Variants in CCDC60 observed in about 807,000 individuals in gnomAD.
CCDC60 encodes the protein coiled-coil domain-containing protein 60.
Under a neutral mutation model 63.5 loss-of-function variants are expected in CCDC60, and 54 were observed. The observed-to-expected ratio is 0.85, with a 90% CI of 0.68 to 1.07. The LOEUF is 1.07. CCDC60 is among the 50% of genes least tolerant of loss of function. The pLI, the probability that CCDC60 is intolerant of heterozygous loss-of-function variation, is 0.00. For missense variants in CCDC60, 651 were observed against 684.3 expected (o/e 0.95, Z 0.54); for synonymous variants, 206 against 238.8 (o/e 0.86, Z 1.27).
chr12:119,406,176 A>AAT (rs113220833), intron 1 of CCDC60, among the ~76,000 whole-genome samples: 1,536 of 143,770 alleles, frequency 0.011, 23 homozygotes, highest in East Asian at 0.044. Flanking sequence ...TGTCTCAAAA[A>AAT]ATATATATAT....
chr12:119,456,056 A>G lies in CCDC60; in HGVS notation c.171-15938A>G, dbSNP rs56355508. On this transcript the variant is annotated intron_variant, in intron 2 of 13. Transcript: ENST00000327554. The surrounding 1 kb of genome is among the most constrained non-coding windows in gnomAD (Gnocchi z 4.6). ...GAAAGAAAGAAAGAAAGAAAGAAAG[A>G]AAGAAAGCAAGCAAGCATGTGCAAT... Among the ~76,000 whole-genome samples, 5 of 96,786 alleles carry G rather than the reference A, an allele frequency of 5.2e-5. 1 individual carries two copies. Among genetic ancestry groups the G allele is most frequent in the Non-Finnish European group, 1.0e-4 (5 of 47,710 alleles). The allele number at this position is 96,786 out of a possible 152,430, so 63.5% of individuals were successfully genotyped here.
intron 1 of CCDC60, among the ~76,000 whole-genome samples, chr12:119,380,729 C>T (rs1330982395): frequency 1.3e-5 from 2 of 152,210 alleles, no homozygotes; most frequent in Non-Finnish European, 2.9e-5. Flanking sequence ...ATTTTTAACA[C>T]CTCTCTAAGG....
chr12:119,425,014 T>G (rs571302979), intron 1 of CCDC60, among the ~76,000 whole-genome samples: 97 of 123,480 alleles, frequency 7.9e-4, no homozygotes, highest in African/African-American at 2.9e-3. Context: ...TAGGTGACAT[T>G]TGAAAAAAAA....
At chr12:119,439,561 G>A (rs983119040) in intron 2 of CCDC60, among the ~76,000 whole-genome samples, 3 of 152,204 alleles carry the variant, frequency 2.0e-5, no homozygotes, top group African/African-American at 7.2e-5. Flanking sequence ...TGAACAGAGA[G>A]AGCCAATGAT....
chr12:119,412,522 T>C (rs1257353011), intron 1 of CCDC60, among the ~76,000 whole-genome samples: 2 of 152,150 alleles, frequency 1.3e-5, no homozygotes, highest in African/African-American at 2.4e-5. Context: ...GCCAAATAAA[T>C]TTTTTCATTT....
At chr12:119,350,381 G>A (rs922711174) in intron 1 of CCDC60, among the ~76,000 whole-genome samples, 10 of 151,792 alleles carry the variant, frequency 6.6e-5, no homozygotes, top group Non-Finnish European at 1.3e-4. Context: ...TGTATTTTTA[G>A]TAGACACACA....
intron 7 of CCDC60, among the ~76,000 whole-genome samples, chr12:119,509,166 T>C (rs147878977): frequency 2.0e-5 from 3 of 152,320 alleles, no homozygotes; most frequent in African/African-American, 7.2e-5. Flanking sequence ...TGCTTTTGTC[T>C]TGAAGATAGA....
intron 2 of CCDC60, among the ~76,000 whole-genome samples, chr12:119,443,987 A>G (rs1950493581): frequency 6.6e-6 from 1 of 152,194 alleles, no homozygotes; most frequent in Non-Finnish European, 1.5e-5. Flanking sequence ...ACATACACCA[A>G]TATCTCTGAA....
At chr12:119,499,156 C>A (rs1951786145) in intron 5 of CCDC60, among the ~76,000 whole-genome samples, 1 of 152,130 alleles carries the variant, frequency 6.6e-6, no homozygotes, top group South Asian at 2.1e-4. Context: ...TTCCAAAATG[C>A]CAAAATTATT....
chr12:119,513,530 T>C lies in CCDC60; in HGVS notation c.884-3093T>C, dbSNP rs1952269257. Among the ~76,000 whole-genome samples the C allele has an allele frequency of 2.6e-5, 4 of 152,328 alleles. 1 individual carries two copies. The South Asian group carries it at 8.3e-4, about 32-fold the overall frequency. On this transcript the variant is annotated intron_variant, in intron 7 of 13. Coordinates refer to ENST00000327554, the MANE Select transcript of CCDC60 (RefSeq NM_178499.5). Reference sequence around the variant, plus strand: ...TGTCATCACATAGCCACCTTTTCCCTATATATCTCTCTTTCCTACTTATAA... The same window carrying C: ...TGTCATCACATAGCCACCTTTTCCCCATATATCTCTCTTTCCTACTTATAA...
At chr12:119,509,300 C>T (rs917287793) in intron 7 of CCDC60, among the ~76,000 whole-genome samples, 1 of 152,136 alleles carries the variant, frequency 6.6e-6, no homozygotes, top group African/African-American at 2.4e-5. Context: ...AAACATCTGA[C>T]TTTTTACAAA....
At chr12:119,417,064 G>A (rs1045932519) in intron 1 of CCDC60, among the ~76,000 whole-genome samples, 12 of 152,268 alleles carry the variant, frequency 7.9e-5, no homozygotes, top group African/African-American at 2.6e-4. Flanking sequence ...AAGTTGCAGT[G>A]AGCCAAGATC....
At chr12:119,481,627 GT>G (rs1445782372) in intron 4 of CCDC60, among the ~76,000 whole-genome samples, 1 of 151,944 alleles carries the variant, frequency 6.6e-6, no homozygotes, top group African/African-American at 2.4e-5. Context: ...ATTTCCATAG[GT>G]TTTTGGGGAA....
intron 8 of CCDC60, among the ~76,000 whole-genome samples, chr12:119,517,768 A>G (rs1727428): frequency 0.28 from 43,183 of 152,008 alleles, 6,194 homozygotes; most frequent in Non-Finnish European, 0.31. Context: ...GTTTCAAGCC[A>G]GCAACCGATA....
intron 4 of CCDC60, 48 bp from the exon 5 acceptor site, chr12:119,488,711 A>G: frequency 6.5e-7 from 1 of 1,534,674 alleles, no homozygotes; most frequent in South Asian, 1.1e-5. Flanking sequence ...TTGCGAAGAA[A>G]GTTGTTCTAA....
chr12:119,433,403 C>A, intron 2 of CCDC60: 1 of 702,176 alleles, frequency 1.4e-6, no homozygotes, highest in South Asian at 1.5e-5. Flanking sequence ...CACTGCCGGA[C>A]ACAAAGGAGA....
chr12:119,393,742 G>T (rs1164580275), intron 1 of CCDC60, among the ~76,000 whole-genome samples: 1 of 152,158 alleles, frequency 6.6e-6, no homozygotes, highest in Admixed American at 6.5e-5. Context: ...GGCTTCAAGA[G>T]GAAAGAAATA....
At position 119,456,051 on chromosome 12, in the gene CCDC60, G is replaced by GA. The variant is rs1225191123; in HGVS notation, c.171-15940dup. 1.7e-4 allele frequency among the ~76,000 whole-genome samples: 25 copies of GA among 145,090 alleles called. No individual in the cohort carries two copies. Among genetic ancestry groups the GA allele is most frequent in the African/African-American group, 6.1e-4 (24 of 39,128 alleles). ...AGAAAGAAAGAAAGAAAGAAAGAAA[G>GA]AAAGAAAGAAAGCAAGCAAGCATGT... is the stretch of plus-strand genomic sequence containing the variant. On this transcript the variant is annotated intron_variant, in intron 2 of 13. Coordinates refer to ENST00000327554, the MANE Select transcript of CCDC60 (RefSeq NM_178499.5). The surrounding 1 kb of genome is among the most constrained non-coding windows in gnomAD (Gnocchi z 4.6).
chr12:119,469,307 C>T (rs1047017571), intron 2 of CCDC60, among the ~76,000 whole-genome samples: 1 of 152,132 alleles, frequency 6.6e-6, no homozygotes, highest in Non-Finnish European at 1.5e-5. Context: ...AGTGCAGTGG[C>T]GTGATCTCAG....
Sources: gnomAD v4.1 joint callset for allele counts (sites outside exome capture counted in the v4.1 genomes callset) on GRCh38, gnomAD v4.1.1 for gene constraint, Gnocchi (gnomAD v3.1) non-coding constraint, MANE v1.5 for transcripts, NCBI Gene and HGNC (gene_info 2026-07-23, HGNC 2026-07-21) for gene names.